The following FAM13C variants were observed in gnomAD, a reference collection of about 807,000 sequenced individuals.
FAM13C encodes the protein family with sequence similarity 13 member C.
Under a neutral mutation model 73.2 loss-of-function variants are expected in FAM13C, and 37 were observed. The ratio of observed to expected loss-of-function variants is 0.51; its 90% CI spans 0.39 to 0.67. The LOEUF (loss-of-function observed/expected upper bound fraction) is 0.67, where lower values mean the gene tolerates loss of function less well. Ranked by LOEUF, FAM13C falls within the 30% of genes least tolerant of loss-of-function variation. The probability of loss-of-function intolerance (pLI) is 0.00; values close to 1 mark genes in which losing one functional copy is unlikely to be tolerated. For missense variants in FAM13C, 589 were observed against 715.6 expected, an observed-to-expected ratio of 0.82 and a Z score of 2.02; for synonymous variants, 246 against 260.9, an observed-to-expected ratio of 0.94 and a Z score of 0.55.
chr10:59,256,429 T>C (rs561338363), intron 10 of FAM13C, among the ~76,000 whole-genome samples: 2 of 152,338 alleles, frequency 1.3e-5, no homozygotes, highest in African/African-American at 4.8e-5. Flanking sequence ...CACATTAGAA[T>C]GATGAATGCC....
At chr10:59,260,011 C>T (rs1162909699) in intron 10 of FAM13C, among the ~76,000 whole-genome samples, 7 of 152,124 alleles carry the variant, frequency 4.6e-5, no homozygotes, top group African/African-American at 1.7e-4. Context: ...TTATCTACAA[C>T]CCCAGTGTGC....
At chr10:59,330,787 C>T (rs1464051007) in intron 3 of FAM13C, among the ~76,000 whole-genome samples, 1 of 152,150 alleles carries the variant, frequency 6.6e-6, no homozygotes, top group African/African-American at 2.4e-5. Context: ...AGGCTCCAAA[C>T]AGCAAAAAGC....
intron 9 of FAM13C, 59 bp downstream of exon 9, chr10:59,264,026 A>G: frequency 6.8e-7 from 1 of 1,467,348 alleles, no homozygotes; most frequent in Non-Finnish European, 9.6e-7. Flanking sequence ...TCTGGAGCAC[A>G]TTATCACTAG....
intron 5 of FAM13C, among the ~76,000 whole-genome samples, chr10:59,289,927 A>G (rs1471346207): frequency 1.3e-5 from 2 of 152,060 alleles, no homozygotes; most frequent in African/African-American, 2.4e-5. Context: ...CCTGGTTTAT[A>G]TCCAAAGTCT....
At chr10:59,358,435 T>C (rs149384443) in intron 1 of FAM13C, among the ~76,000 whole-genome samples, 1 of 152,216 alleles carries the variant, frequency 6.6e-6, no homozygotes, top group African/African-American at 2.4e-5. Flanking sequence ...TTCTTGCCAA[T>C]AGTCCACTCT....
At chr10:59,249,417 A>AC (rs1423714967) in intron 13 of FAM13C, among the ~76,000 whole-genome samples, 5 of 150,576 alleles carry the variant, frequency 3.3e-5, no homozygotes, top group African/African-American at 1.2e-4. Flanking sequence ...AGAAAAAAAA[A>AC]AAAAAAAAAA....
chr10:59,344,240 G>A (rs1853941007), intron 3 of FAM13C, among the ~76,000 whole-genome samples: 1 of 149,376 alleles, frequency 6.7e-6, no homozygotes, highest in Admixed American at 6.7e-5. Context: ...GGGATTACAG[G>A]CATGAGCCGC....
chr10:59,255,783 C>T (rs1441871800), intron 10 of FAM13C, among the ~76,000 whole-genome samples: 3 of 152,146 alleles, frequency 2.0e-5, no homozygotes, highest in African/African-American at 7.2e-5. Flanking sequence ...CCATTCTGGC[C>T]CATATTGATC....
At chr10:59,353,799 G>A (rs184832589) in intron 2 of FAM13C, among the ~76,000 whole-genome samples, 2 of 152,260 alleles carry the variant, frequency 1.3e-5, no homozygotes, top group African/African-American at 2.4e-5. Flanking sequence ...CAGAACAAAC[G>A]TAGTGCTATC....
At chr10:59,323,952 CA>C (rs2134029651) in intron 4 of FAM13C, 35 bp downstream of exon 4, 1 of 1,561,650 alleles carries the variant, frequency 6.4e-7, no homozygotes, top group East Asian at 2.2e-5. Context: ...AAAGGAACCA[CA>C]AGCACAGAAT....
chr10:59,344,229 T>C (rs1289407562), intron 3 of FAM13C, among the ~76,000 whole-genome samples: 2 of 151,270 alleles, frequency 1.3e-5, no homozygotes, highest in Non-Finnish European at 2.9e-5. Context: ...CCGAAAGTGC[T>C]GGGATTACAG....
intron 3 of FAM13C, among the ~76,000 whole-genome samples, chr10:59,350,655 G>A (rs959470639): frequency 1.2e-4 from 19 of 152,144 alleles, no homozygotes; most frequent in African/African-American, 4.6e-4. Context: ...AATGCAGAGG[G>A]CATTTTCATC....
chr10:59,336,135 T>C (rs1291033882), intron 3 of FAM13C, among the ~76,000 whole-genome samples: 1 of 152,190 alleles, frequency 6.6e-6, no homozygotes, highest in Non-Finnish European at 1.5e-5. Flanking sequence ...GACAAGGGAC[T>C]ACTAGGCAAA....
chr10:59,258,476 C>T (rs1162444492), intron 10 of FAM13C, among the ~76,000 whole-genome samples: 4 of 152,116 alleles, frequency 2.6e-5, no homozygotes, highest in African/African-American at 7.2e-5. Flanking sequence ...AAGTGACACC[C>T]TGTCTCTAAA....
chr10:59,263,111 A>G lies in FAM13C; in HGVS notation c.1025-466T>C, dbSNP rs1441006416. Among the ~76,000 whole-genome samples, 6 of 152,336 alleles carry G rather than the reference A, an allele frequency of 3.9e-5. No homozygotes were observed. In the East Asian group the frequency reaches 7.7e-4, roughly 20 times the overall value. ...AATACAGGAGAGGATGGGAAAGGGT[A>G]GATGGGAGTGTCAGCCTCAACATGA... is the stretch of plus-strand genomic sequence containing the variant. On this transcript the variant is annotated intron_variant, in intron 9 of 13. Coordinates refer to ENST00000618804, the MANE Select transcript of FAM13C (RefSeq NM_198215.4).
In FAM13C at chr10:59,268,554, C is replaced by T. The variant is rs754322437; in HGVS notation, c.941G>A (p.Arg314Gln). ...EEKFEQEKKY[R>Q]PSHGDKTSNP... is the part of the protein sequence containing the mutation. ...TATGTCAAACCCCAGGGTTCTTACCCGGTATTTCTTTTCTTGTTCAAATTT... is the reference window on the plus strand; with the variant it reads ...TATGTCAAACCCCAGGGTTCTTACCTGGTATTTCTTTTCTTGTTCAAATTT... Residue 314 changes from arginine to glutamine, a missense_variant and splice_region_variant, in exon 8 of 14, where the codon CGG (arginine) becomes CAG (glutamine). Transcript: ENST00000618804. 3.7e-6 allele frequency: 6 copies of T among 1,613,498 alleles called. No individual in the cohort carries two copies. Among genetic ancestry groups the T allele is most frequent in the Admixed American group, 1.7e-5 (1 of 59,988 alleles).
chr10:59,317,455 C>A (rs370427845), intron 4 of FAM13C, among the ~76,000 whole-genome samples: 1 of 152,080 alleles, frequency 6.6e-6, no homozygotes, highest in African/African-American at 2.4e-5. Flanking sequence ...TGTTTGGTCT[C>A]CTAGAAATAT....
intron 6 of FAM13C, among the ~76,000 whole-genome samples, chr10:59,277,701 A>T (rs1006120156): frequency 3.3e-5 from 5 of 152,220 alleles, no homozygotes; most frequent in Non-Finnish European, 7.3e-5. Context: ...TTTTAAAATG[A>T]CTTACAAAAT....
In FAM13C at chr10:59,324,054, G is replaced by A; in HGVS notation, c.377C>T (p.Thr126Ile). The A allele has an allele frequency of 6.2e-7, 1 of 1,614,088 alleles. No homozygotes were observed. The highest frequency in any genetic ancestry group is 2.2e-5 in the East Asian group (1 of 44,878). Residue 126 changes from threonine (T) to isoleucine (I), a missense_variant, in exon 4 of 14, where the codon ACA (threonine) becomes ATA (isoleucine). By Grantham distance (89) the Thr-to-Ile change is moderately conservative (BLOSUM62 -1). Transcript: ENST00000618804. The part of the protein sequence containing the change: ...SQSECQVRAG[T>I]PAHESPQNNA... ...GTTTTGTGGACTCTCATGAGCTGGTGTTCCTGCTCTCACCTGACACTCTGA... is the reference window on the plus strand; with the variant it reads ...GTTTTGTGGACTCTCATGAGCTGGTATTCCTGCTCTCACCTGACACTCTGA...
Sources: allele counts gnomAD v4.1 joint callset (sites outside exome capture counted in the v4.1 genomes callset), GRCh38; gene constraint gnomAD v4.1.1; transcripts MANE v1.5; gene names NCBI Gene and HGNC (gene_info 2026-07-23, HGNC 2026-07-21).